The following EDC3 variants were observed in gnomAD, a reference collection of about 807,000 sequenced individuals.
The protein encoded by EDC3 is enhancer of mRNA decapping 3, also known as enhancer of mRNA-decapping protein 3.
EDC3 carries 20 observed loss-of-function variants against 41.8 expected under a neutral mutation model. The ratio of observed to expected loss-of-function variants is 0.48; its 90% CI spans 0.34 to 0.70. The LOEUF (loss-of-function observed/expected upper bound fraction) is 0.70. Ranked by LOEUF, EDC3 falls within the 30% of genes least tolerant of loss-of-function variation. EDC3 has a pLI of 0.01. For synonymous variants in EDC3, 206 were observed against 243.2 expected (o/e 0.85, Z 1.42); for missense variants, 444 against 636.8 (o/e 0.70, Z 3.26).
At chr15:74,679,315 C>T (rs770544814) in intron 1 of EDC3, among the ~76,000 whole-genome samples, 7 of 152,064 alleles carry the variant, frequency 4.6e-5, no homozygotes, top group Non-Finnish European at 1.0e-4. Flanking sequence ...ACATCCTGCA[C>T]AAATATAGAC....
intron 1 of EDC3, chr15:74,695,425 G>C (rs191801625): frequency 1.3e-5 from 2 of 152,294 alleles, no homozygotes; most frequent in East Asian, 3.9e-4. Context: ...GATGTGACCT[G>C]GTAGGTATAA....
Position 74,632,534 on chromosome 15 carries a change from C to CTCAT in EDC3, c.*77_*78insATGA, listed in dbSNP as rs2062223412. 6.7e-7 allele frequency: 1 copy of CTCAT among 1,498,488 alleles called. No individual in the cohort carries two copies. The highest frequency in any genetic ancestry group is 1.4e-5 in the African/African-American group (1 of 72,066). 92.8% of individuals were successfully genotyped at this position (1,498,488 alleles called of 1,614,324 possible). On this transcript the variant is annotated 3_prime_UTR_variant, in exon 7 of 7. Transcript: ENST00000315127. This position sits in a 1 kb window ranked among gnomAD's most constrained non-coding sequence, Gnocchi z 4.0. ...AAAGAGAAAAAACTTTAACAAGGTC[C>CTCAT]ATGAAGCTTCATATCCTTAAGGCGT... is the stretch of plus-strand genomic sequence containing the variant.
rs752333584 is a variant in EDC3, at chr15:74,656,048, G to C, written c.505C>G (p.Pro169Ala). The change falls in exon 4 of 7, where the codon CCA becomes GCA. Residue 169 changes from proline (P) to alanine (A), a missense_variant. Around this residue, in one of 3 missense-constraint regions of EDC3, gnomAD observed 200 missense variants for 244.0 expected, o/e 0.82. Coordinates refer to ENST00000315127, the MANE Select transcript of EDC3 (RefSeq NM_025083.5). Reference protein sequence around the residue: ...HNSWSSSSRHPNQATPKKSGL... With the variant: ...HNSWSSSSRHANQATPKKSGL... ...CTTTTCTTGGGAGTTGCCTGATTTG[G>C]GTGCCTGCTACTAGATGACCCTGGA... 8 of 1,611,578 alleles carry C rather than the reference G, an allele frequency of 5.0e-6. No homozygotes were observed. In the South Asian group the frequency reaches 8.8e-5, roughly 18 times the overall value.
chr15:74,653,615 T>C (rs979599415), intron 4 of EDC3, among the ~76,000 whole-genome samples: 1 of 152,194 alleles, frequency 6.6e-6, no homozygotes, highest in African/African-American at 2.4e-5. Flanking sequence ...CTCATTGTCA[T>C]GAACCAGTGG....
chr15:74,659,719 A>G, intron 3 of EDC3, among the ~76,000 whole-genome samples: 1 of 151,588 alleles, frequency 6.6e-6, no homozygotes, highest in East Asian at 2.0e-4. Flanking sequence ...AAAAAAATAA[A>G]AAACCACATG....
intron 1 of EDC3, among the ~76,000 whole-genome samples, chr15:74,690,382 T>G (rs1374175864): frequency 6.7e-6 from 1 of 148,236 alleles, no homozygotes; most frequent in African/African-American, 2.6e-5. Context: ...CACTCTTCCA[T>G]CTATTATATT....
intron 1 of EDC3, among the ~76,000 whole-genome samples, chr15:74,689,666 A>C (rs968994361): frequency 2.6e-5 from 4 of 152,112 alleles, no homozygotes; most frequent in Non-Finnish European, 2.9e-5. Flanking sequence ...CTGGGACTAC[A>C]GGTGCCCGCC....
At chr15:74,642,546 T>C (rs1328808285) in intron 4 of EDC3, 2 of 152,274 alleles carry the variant, frequency 1.3e-5, no homozygotes, top group Non-Finnish European at 2.9e-5. Context: ...AGACAAGTCA[T>C]GCACCTGACT....
intron 3 of EDC3, among the ~76,000 whole-genome samples, chr15:74,670,683 G>T (rs937929006): frequency 6.6e-6 from 1 of 152,174 alleles, no homozygotes; most frequent in Non-Finnish European, 1.5e-5. Flanking sequence ...GCCCGCCTCA[G>T]CCTCCCAAAG....
At chr15:74,653,833 G>C (rs970206254) in intron 4 of EDC3, among the ~76,000 whole-genome samples, 4 of 152,152 alleles carry the variant, frequency 2.6e-5, no homozygotes, top group African/African-American at 9.7e-5. Flanking sequence ...CTCTGCTTTT[G>C]TCCATGTTAG....
intron 1 of EDC3, 79 bp from the exon 2 acceptor site, chr15:74,675,221 C>T (rs2062789048): frequency 7.5e-7 from 1 of 1,337,492 alleles, no homozygotes. Context: ...ATATCAGGCT[C>T]TGTACCAAGT....
chr15:74,681,344 G>A (rs530985339), intron 1 of EDC3, among the ~76,000 whole-genome samples: 174 of 152,118 alleles, frequency 1.1e-3, no homozygotes, highest in South Asian at 2.5e-3. Flanking sequence ...GTAGAGACAG[G>A]GTTTCACCAT....
chr15:74,654,961 C>T (rs2062527996), intron 4 of EDC3, among the ~76,000 whole-genome samples: 1 of 152,128 alleles, frequency 6.6e-6, no homozygotes, highest in African/African-American at 2.4e-5. Context: ...TTATGACTTC[C>T]CCTTTAGCTC....
At chr15:74,657,679 T>C (rs2062566521) in intron 3 of EDC3, among the ~76,000 whole-genome samples, 1 of 152,198 alleles carries the variant, frequency 6.6e-6, no homozygotes, top group South Asian at 2.1e-4. Flanking sequence ...CAGCTAGTCC[T>C]TAAATCTATG....
Position 74,655,805 on chromosome 15 carries a change from T to G in EDC3, c.748A>C (p.Ile250Leu). Residue 250 changes from isoleucine to leucine, a missense_variant, in exon 4 of 7, where the codon ATC (isoleucine) becomes CTC (leucine). Physicochemically the swap from Ile to Leu is conservative, Grantham distance 5. This residue lies in a region of EDC3 where 242 missense variants were observed against 363.8 expected (regional missense o/e 0.67). Transcript: ENST00000315127. ...TAGACAATGGGCTCGGACTCCAAGA[T>G]GTTCTCATCATGGCGGTACCGAGTG... ...RPTRYRHDEN[I>L]LESEPIVYRR... The G allele has an allele frequency of 6.2e-7, 1 of 1,614,138 alleles. No homozygotes were observed. Among genetic ancestry groups the G allele is most frequent in the Non-Finnish European group, 8.5e-7 (1 of 1,180,026 alleles).
At chr15:74,656,281 G>T (rs757402050) in intron 3 of EDC3, among the ~76,000 whole-genome samples, 2 of 152,030 alleles carry the variant, frequency 1.3e-5, no homozygotes, top group African/African-American at 4.8e-5. Flanking sequence ...AGTGGCTCAC[G>T]CCTATAATCC....
In EDC3 at chr15:74,630,569, T is replaced by G. The variant is rs1044171577; in HGVS notation, c.*2043A>C. 4 of 152,410 alleles carry G rather than the reference T, an allele frequency of 2.6e-5. No homozygotes were observed. Among genetic ancestry groups the G allele is most frequent in the East Asian group, 1.9e-4 (1 of 5,196 alleles). 9.4% of individuals were successfully genotyped at this position (152,410 alleles called of 1,614,324 possible). A position where few individuals can be genotyped will look rare whatever the true frequency, so the allele number is the denominator to read the frequency against. On this transcript the variant is annotated 3_prime_UTR_variant, in exon 7 of 7. Coordinates refer to ENST00000315127, the MANE Select transcript of EDC3 (RefSeq NM_025083.5). ...ACACGGCACAGGACTCAGTCAGTCATTCAGCTTTATTTCAGTGCTGGTTTT... is the reference window on the plus strand; with the variant it reads ...ACACGGCACAGGACTCAGTCAGTCAGTCAGCTTTATTTCAGTGCTGGTTTT...
intron 1 of EDC3, among the ~76,000 whole-genome samples, chr15:74,685,894 G>A (rs115397305): frequency 0.023 from 3,553 of 152,246 alleles, 141 homozygotes; most frequent in African/African-American, 0.081. Context: ...CACCCCTCTG[G>A]TAAAAGAGTA....
intron 3 of EDC3, among the ~76,000 whole-genome samples, chr15:74,659,323 G>A (rs1217819186): frequency 6.6e-6 from 1 of 151,936 alleles, no homozygotes; most frequent in African/African-American, 2.4e-5. Flanking sequence ...TTAGCCAGGT[G>A]TGGTGGCGCA....
Sources: allele counts gnomAD v4.1 joint callset (sites outside exome capture counted in the v4.1 genomes callset), GRCh38; gene constraint gnomAD v4.1.1; regional missense constraint gnomAD v4.1.1; non-coding constraint Gnocchi (gnomAD v3.1); transcripts MANE v1.5; gene names NCBI Gene and HGNC (gene_info 2026-07-23, HGNC 2026-07-21).